NRG1: variants seen among roughly 807,000 people sequenced by gnomAD.
NRG1 encodes the protein pro-neuregulin-1, membrane-bound isoform.
A neutral mutation model predicts 63.8 loss-of-function variants in NRG1; 18 were observed. The observed-to-expected ratio is 0.28, with a 90% confidence interval of 0.19 to 0.42. The LOEUF (loss-of-function observed/expected upper bound fraction) is 0.42, where lower values mean the gene tolerates loss of function less well. Among genes scored for constraint, NRG1 ranks in the 10% least tolerant of loss-of-function variants. The probability of loss-of-function intolerance (pLI) is 1.00; values close to 1 mark genes in which losing one functional copy is unlikely to be tolerated. For synonymous variants in NRG1, 302 were observed against 301.3 expected (o/e 1.00, Z -0.02); for missense variants, 762 against 814.7 (o/e 0.94, Z 0.79).
chr8:32,110,567 A>G (rs1831880996), intron 1 of NRG1, among the ~76,000 whole-genome samples: 2 of 152,112 alleles, frequency 1.3e-5, no homozygotes, highest in Admixed American at 1.3e-4. Flanking sequence ...TTTTCTAATG[A>G]TGACCCTGAA....
At chr8:31,854,595 TTG>T (rs1315372976) in intron 1 of NRG1, among the ~76,000 whole-genome samples, 4 of 152,178 alleles carry the variant, frequency 2.6e-5, no homozygotes, top group Non-Finnish European at 5.9e-5. Context: ...GAAGGGTTTT[TTG>T]TGTCTCTATT....
At chr8:32,019,258 C>G (rs1050617925) in intron 1 of NRG1, among the ~76,000 whole-genome samples, 10 of 152,094 alleles carry the variant, frequency 6.6e-5, no homozygotes, top group African/African-American at 2.4e-4. Context: ...GCCACCAGGC[C>G]CGGCTAATTT....
At chr8:32,043,848 TC>T (rs1227811704) in intron 1 of NRG1, among the ~76,000 whole-genome samples, 2 of 151,334 alleles carry the variant, frequency 1.3e-5, no homozygotes, top group African/African-American at 4.9e-5. Flanking sequence ...CTAAAAATAA[TC>T]CAATAACACA....
chr8:32,410,299 G>T (rs1380379154), intron 1 of NRG1, among the ~76,000 whole-genome samples: 1 of 147,494 alleles, frequency 6.8e-6, no homozygotes. Context: ...TCCCACCTTG[G>T]CCTCCTGAGT....
At chr8:32,312,981 C>T (rs1856992094) in intron 1 of NRG1, among the ~76,000 whole-genome samples, 1 of 152,122 alleles carries the variant, frequency 6.6e-6, no homozygotes. Flanking sequence ...TGGTGAAACC[C>T]TGTCTCTACT....
intron 1 of NRG1, among the ~76,000 whole-genome samples, chr8:32,565,333 G>A (rs746856139): frequency 3.3e-4 from 50 of 151,998 alleles, no homozygotes; most frequent in Non-Finnish European, 6.8e-4. Context: ...CTGTTTTCTA[G>A]GCTGCTCTCA....
intron 1 of NRG1, among the ~76,000 whole-genome samples, chr8:32,020,314 G>A (rs1462234726): frequency 1.3e-5 from 2 of 152,076 alleles, no homozygotes; most frequent in African/African-American, 4.8e-5. Context: ...TGAAATTCAT[G>A]GATATGAAAT....
intron 1 of NRG1, among the ~76,000 whole-genome samples, chr8:32,071,711 A>G (rs1825781048): frequency 6.6e-6 from 1 of 152,204 alleles, no homozygotes; most frequent in Non-Finnish European, 1.5e-5. Flanking sequence ...AGAATTCTCA[A>G]GCAGGTGCAG....
chr8:31,686,029 G>T (rs1302485985), intron 1 of NRG1, among the ~76,000 whole-genome samples: 1 of 151,842 alleles, frequency 6.6e-6, no homozygotes, highest in African/African-American at 2.4e-5. Context: ...GGAATTGCTG[G>T]GTAACAATAC....
chr8:32,451,914 C>G (rs1197113008), intron 1 of NRG1, among the ~76,000 whole-genome samples: 1 of 152,140 alleles, frequency 6.6e-6, no homozygotes, highest in East Asian at 1.9e-4. Context: ...CAGCCTCCAC[C>G]TCCCAGGTTC....
intron 1 of NRG1, among the ~76,000 whole-genome samples, chr8:32,273,646 A>G (rs1851785046): frequency 6.6e-6 from 1 of 152,218 alleles, no homozygotes. Flanking sequence ...TTTAAGCACC[A>G]TCTTGAAATG....
At chr8:32,349,804 G>T (rs567772106) in intron 1 of NRG1, among the ~76,000 whole-genome samples, 3 of 152,180 alleles carry the variant, frequency 2.0e-5, no homozygotes, top group African/African-American at 7.2e-5. Flanking sequence ...GATCCATCAG[G>T]GCTGCTGGGC....
chr8:31,796,865 G>A (rs952112306), intron 1 of NRG1, among the ~76,000 whole-genome samples: 2 of 152,130 alleles, frequency 1.3e-5, no homozygotes, highest in African/African-American at 4.8e-5. Context: ...TTCTGAAGGA[G>A]AATTCTTTCT....
Position 31,640,187 on chromosome 8 carries a change from G to T in NRG1, c.37+756G>T, listed in dbSNP as rs1375264771. The T allele has an allele frequency of 4.2e-6, 5 of 1,186,518 alleles. No individual in the cohort carries two copies. The highest frequency in any genetic ancestry group is 5.2e-6 in the Non-Finnish European group (5 of 958,152). 73.5% of individuals were successfully genotyped at this position (1,186,518 alleles called of 1,614,324 possible). ...TCGGTGTGCTACTCGTCCCCGCCCAGCGTGGGATCGGTGCAGGAGCTAGCT... is the reference window on the plus strand; with the variant it reads ...TCGGTGTGCTACTCGTCCCCGCCCATCGTGGGATCGGTGCAGGAGCTAGCT... On this transcript the variant is annotated intron_variant, in intron 1 of 10. Coordinates refer to the NRG1 transcript ENST00000519301. This position sits in a 1 kb window ranked among gnomAD's most constrained non-coding sequence, Gnocchi z 6.3.
rs138137584 is a variant in NRG1, at chr8:32,188,617, C to A, written c.38-407211C>A. Among the ~76,000 whole-genome samples the A allele has an allele frequency of 2.7e-3, 408 of 152,186 alleles. 1 individual carries two copies. The highest frequency in any genetic ancestry group is 0.018 in the South Asian group (86 of 4,812). Reference sequence around the variant, plus strand: ...AGTCTTTAAAAGTGGAAGAGGGAGGCAGAAGAAGAGAGACAGAGTAAGATG... The same window carrying A: ...AGTCTTTAAAAGTGGAAGAGGGAGGAAGAAGAAGAGAGACAGAGTAAGATG... On this transcript the variant is annotated intron_variant, in intron 1 of 10. Transcript: ENST00000519301.
intron 1 of NRG1, among the ~76,000 whole-genome samples, chr8:31,882,329 T>TAAAAA (rs745615085): frequency 5.0e-5 from 4 of 79,820 alleles, no homozygotes; most frequent in Admixed American, 1.4e-4. Context: ...GCTCAAAAAC[T>TAAAAA]AAAAAAAAAA....
Position 31,802,563 on chromosome 8 carries a change from C to T in NRG1, c.37+163132C>T, listed in dbSNP as rs74727353. On this transcript the variant is annotated intron_variant, in intron 1 of 10. Transcript: ENST00000519301. ...TATTTACATGCTGCTATTTCTGATG[C>T]TTCCTATTTGTTTCTTCTGAAAAAG... is the stretch of plus-strand genomic sequence containing the variant. 4.4e-3 allele frequency among the ~76,000 whole-genome samples: 666 copies of T among 152,208 alleles called. 6 individuals carry two copies. Among genetic ancestry groups the T allele is most frequent in the African/African-American group, 0.015 (636 of 41,526 alleles).
chr8:32,220,086 G>C (rs944856220), intron 1 of NRG1, among the ~76,000 whole-genome samples: 6 of 152,106 alleles, frequency 3.9e-5, no homozygotes, highest in African/African-American at 1.2e-4. Context: ...TGGGGAAGGC[G>C]GGGGTGCTCT....
chr8:32,293,583 T>C (rs1345055205), intron 1 of NRG1, among the ~76,000 whole-genome samples: 3 of 152,158 alleles, frequency 2.0e-5, no homozygotes, highest in Non-Finnish European at 4.4e-5. Context: ...AAAGATTATT[T>C]TGAGAAAATA....
Sources: allele counts gnomAD v4.1 joint callset (sites outside exome capture counted in the v4.1 genomes callset), GRCh38; gene constraint gnomAD v4.1.1; non-coding constraint Gnocchi (gnomAD v3.1); transcripts MANE v1.5; gene names NCBI Gene and HGNC (gene_info 2026-07-23, HGNC 2026-07-21).